WWTR1: variants seen among roughly 807,000 people sequenced by gnomAD.
The protein encoded by WWTR1 is WW domain-containing transcription regulator protein 1.
Under a neutral mutation model 40.1 loss-of-function variants are expected in WWTR1, and 13 were observed. The observed-to-expected ratio is 0.32, with a 90% CI of 0.21 to 0.52. The LOEUF (loss-of-function observed/expected upper bound fraction) is 0.52, where lower values mean the gene tolerates loss of function less well. WWTR1 is among the 20% of genes least tolerant of loss of function. The pLI is 0.97. For synonymous variants in WWTR1, 230 were observed against 210.1 expected (o/e 1.09, Z -0.82); for missense variants, 436 against 523.1 (o/e 0.83, Z 1.63).
At chr3:149,640,850 C>T (rs1712130289) in intron 2 of WWTR1, among the ~76,000 whole-genome samples, 2 of 152,282 alleles carry the variant, frequency 1.3e-5, no homozygotes, top group African/African-American at 2.4e-5. Context: ...TAAGCTATCA[C>T]TAAAACATGA....
chr3:149,618,529 G>A (rs930962178), intron 2 of WWTR1, among the ~76,000 whole-genome samples: 2 of 152,184 alleles, frequency 1.3e-5, no homozygotes, highest in Non-Finnish European at 2.9e-5. Context: ...CCAAGCTCCA[G>A]AAACTGTTTA....
At chr3:149,622,509 G>GAAAGA (rs1560089811) in intron 2 of WWTR1, among the ~76,000 whole-genome samples, 7 of 139,306 alleles carry the variant, frequency 5.0e-5, no homozygotes, top group African/African-American at 1.9e-4. Flanking sequence ...AAGGAAGAAA[G>GAAAGA]AAAGAAAGAA....
At chr3:149,699,625 C>A (rs1166286910) in intron 1 of WWTR1, among the ~76,000 whole-genome samples, 3 of 152,144 alleles carry the variant, frequency 2.0e-5, no homozygotes, top group Non-Finnish European at 2.9e-5. Context: ...CTCCCACAGA[C>A]CCCTAGGGCA....
chr3:149,704,288 A>G (rs7611377), upstream of WWTR1, among the ~76,000 whole-genome samples: 54,570 of 152,092 alleles, frequency 0.36, 10,047 homozygotes, highest in South Asian at 0.49. Context: ...TTTAAGAGCT[A>G]AAAAATAGGA....
At chr3:149,704,479 C>T (rs564595969), upstream of WWTR1, among the ~76,000 whole-genome samples, 5 of 152,136 alleles carry the variant, frequency 3.3e-5, no homozygotes, top group East Asian at 3.9e-4. Flanking sequence ...ACACTAGGCA[C>T]GATAAAGACT....
chr3:149,696,030 G>A (rs894900063), intron 1 of WWTR1, among the ~76,000 whole-genome samples: 24 of 140,610 alleles, frequency 1.7e-4, no homozygotes, highest in Non-Finnish European at 2.6e-4. Context: ...GGAGAATGGC[G>A]TGAACCCAGG....
intron 2 of WWTR1, among the ~76,000 whole-genome samples, chr3:149,606,364 T>C (rs1309744819): frequency 6.6e-6 from 1 of 152,212 alleles, no homozygotes; most frequent in African/African-American, 2.4e-5. Flanking sequence ...AGTCTTGGTT[T>C]CAAACATTCT....
chr3:149,663,695 T>TA (rs943066726), intron 2 of WWTR1, among the ~76,000 whole-genome samples: 2 of 151,688 alleles, frequency 1.3e-5, no homozygotes, highest in Non-Finnish European at 2.9e-5. Flanking sequence ...GACTCCATCT[T>TA]AAAAAAAAAT....
intron 2 of WWTR1, among the ~76,000 whole-genome samples, chr3:149,575,285 G>A (rs962797149): frequency 3.3e-5 from 5 of 152,216 alleles, no homozygotes; most frequent in African/African-American, 1.2e-4. Flanking sequence ...CCTCAGGCTT[G>A]TCACAGGCCT....
intron 2 of WWTR1, among the ~76,000 whole-genome samples, chr3:149,615,286 C>T (rs1739921976): frequency 6.6e-6 from 1 of 152,176 alleles, no homozygotes; most frequent in South Asian, 2.1e-4. Context: ...ATAAGGATTT[C>T]TTCTTTGGTC....
intron 1 of WWTR1, among the ~76,000 whole-genome samples, chr3:149,697,181 T>C (rs1392639375): frequency 1.3e-5 from 2 of 151,714 alleles, no homozygotes; most frequent in Non-Finnish European, 2.9e-5. Context: ...CAACAGGCTG[T>C]ACAAGCATGG....
intron 2 of WWTR1, among the ~76,000 whole-genome samples, chr3:149,603,135 T>C (rs978502804): frequency 1.6e-4 from 25 of 152,316 alleles, no homozygotes; most frequent in African/African-American, 6.0e-4. Context: ...TAATAATGTC[T>C]TGCTTTGAGG....
intron 3 of WWTR1, among the ~76,000 whole-genome samples, chr3:149,555,313 A>G (rs1736775928): frequency 6.6e-6 from 1 of 152,228 alleles, no homozygotes; most frequent in Admixed American, 6.5e-5. Context: ...TAGTCAAAAG[A>G]CTTGAACGAT....
intron 3 of WWTR1, among the ~76,000 whole-genome samples, chr3:149,567,366 G>A (rs1055178221): frequency 2.0e-5 from 3 of 152,312 alleles, no homozygotes; most frequent in Middle Eastern, 3.4e-3. Context: ...GAACTCAGAA[G>A]TGTGACTGCT....
At chr3:149,682,369 A>C (rs1714485763) in intron 1 of WWTR1, among the ~76,000 whole-genome samples, 1 of 152,226 alleles carries the variant, frequency 6.6e-6, no homozygotes, top group South Asian at 2.1e-4. Flanking sequence ...AATGTATTAA[A>C]TTGATAAAAG....
chr3:149,526,650 T>G (rs1275216916), intron 5 of WWTR1, among the ~76,000 whole-genome samples: 1 of 152,246 alleles, frequency 6.6e-6, no homozygotes, highest in Non-Finnish European at 1.5e-5. Context: ...ATCTGGGTAG[T>G]GGGTACATGG....
At chr3:149,650,663 A>C (rs911732622) in intron 2 of WWTR1, among the ~76,000 whole-genome samples, 1 of 151,488 alleles carries the variant, frequency 6.6e-6, no homozygotes, top group Non-Finnish European at 1.5e-5. Context: ...TTCCTCCCCT[A>C]TCCCACACAC....
intron 2 of WWTR1, among the ~76,000 whole-genome samples, chr3:149,612,422 A>T (rs1054814853): frequency 3.3e-5 from 5 of 151,826 alleles, no homozygotes; most frequent in Non-Finnish European, 5.9e-5. Context: ...TGGCAGTTGG[A>T]TCATCATTAT....
intron 2 of WWTR1, among the ~76,000 whole-genome samples, chr3:149,600,808 T>C (rs1466776379): frequency 6.6e-6 from 1 of 152,236 alleles, no homozygotes; most frequent in Non-Finnish European, 1.5e-5. Context: ...TTCTGTTTCA[T>C]GGAATGCTCA....
Sources: gnomAD v4.1 joint callset for allele counts (sites outside exome capture counted in the v4.1 genomes callset) on GRCh38, gnomAD v4.1.1 for gene constraint, MANE v1.5 for transcripts, NCBI Gene and HGNC (gene_info 2026-07-23, HGNC 2026-07-21) for gene names.